The following SLC25A26 variants were observed in gnomAD, a reference collection of about 807,000 sequenced individuals.
The protein encoded by SLC25A26 is mitochondrial S-adenosylmethionine carrier protein.
A neutral mutation model predicts 37.8 loss-of-function variants in SLC25A26; 36 were observed. The ratio of observed to expected loss-of-function variants is 0.95; its 90% CI spans 0.73 to 1.26. SLC25A26 has a LOEUF of 1.26. Among genes scored for constraint, SLC25A26 ranks in the 50% most tolerant of loss-of-function variants. The pLI, the probability that SLC25A26 is intolerant of heterozygous loss-of-function variation, is 0.00. For missense variants in SLC25A26, 390 were observed against 331.1 expected (o/e 1.18, Z -1.38); for synonymous variants, 129 against 122.5 (o/e 1.05, Z -0.35).
chr3:66,177,648 G>A (rs969622651), intron 1 of SLC25A26, among the ~76,000 whole-genome samples: 1 of 152,220 alleles, frequency 6.6e-6, no homozygotes, highest in Admixed American at 6.5e-5. Flanking sequence ...CAGGGGATGG[G>A]AAGGAGTGAG....
intron 5 of SLC25A26, among the ~76,000 whole-genome samples, chr3:66,304,216 G>T (rs1361440132): frequency 6.6e-6 from 1 of 152,160 alleles, no homozygotes; most frequent in South Asian, 2.1e-4. Context: ...TTCGTCACAG[G>T]ACTTGTCTTT....
intron 1 of SLC25A26, among the ~76,000 whole-genome samples, chr3:66,223,432 A>G (rs1384589590): frequency 6.6e-6 from 1 of 152,116 alleles, no homozygotes; most frequent in Admixed American, 6.6e-5. Context: ...GGCTAGGGAA[A>G]ATAATTTGGA....
intron 1 of SLC25A26, among the ~76,000 whole-genome samples, chr3:66,164,876 C>A (rs2070405171): frequency 6.6e-6 from 1 of 152,106 alleles, no homozygotes; most frequent in Non-Finnish European, 1.5e-5. Flanking sequence ...GAAGGGTGCA[C>A]AAGTGAATGG....
At chr3:66,147,999 C>T (rs1430734010) in intron 1 of SLC25A26, among the ~76,000 whole-genome samples, 1 of 151,964 alleles carries the variant, frequency 6.6e-6, no homozygotes, top group Non-Finnish European at 1.5e-5. Flanking sequence ...CCTCGTGATC[C>T]GCCCACCTCA....
intron 1 of SLC25A26, among the ~76,000 whole-genome samples, chr3:66,206,530 A>G (rs2071179502): frequency 6.6e-6 from 1 of 152,190 alleles, no homozygotes; most frequent in South Asian, 2.1e-4. Flanking sequence ...GTAATGCACA[A>G]TCTGCAAGGC....
At chr3:66,265,944 T>G (rs1237012009) in intron 5 of SLC25A26, among the ~76,000 whole-genome samples, 2 of 152,238 alleles carry the variant, frequency 1.3e-5, no homozygotes, top group African/African-American at 4.8e-5. Context: ...AATGAATATT[T>G]ACATGCCGGA....
chr3:66,176,189 A>G (rs2070584403), intron 1 of SLC25A26, among the ~76,000 whole-genome samples: 2 of 152,204 alleles, frequency 1.3e-5, no homozygotes, highest in African/African-American at 4.8e-5. Flanking sequence ...TATGTTTGGT[A>G]TGGAGTACAA....
intron 1 of SLC25A26, among the ~76,000 whole-genome samples, chr3:66,205,977 A>G (rs1197124345): frequency 1.3e-5 from 2 of 152,236 alleles, no homozygotes; most frequent in African/African-American, 4.8e-5. Context: ...GTAATAGAGC[A>G]GGTTAGTGCT....
chr3:66,285,727 T>C (rs1231521180), intron 5 of SLC25A26, among the ~76,000 whole-genome samples: 2 of 151,988 alleles, frequency 1.3e-5, no homozygotes, highest in Non-Finnish European at 2.9e-5. Context: ...CCCAAAGTGC[T>C]GGGATTACAG....
At chr3:66,169,585 C>T (rs1312961650) in intron 1 of SLC25A26, among the ~76,000 whole-genome samples, 4 of 152,098 alleles carry the variant, frequency 2.6e-5, no homozygotes, top group Non-Finnish European at 4.4e-5. Flanking sequence ...TTGTAGGTTT[C>T]GCCCTTAGAA....
intron 6 of SLC25A26, among the ~76,000 whole-genome samples, chr3:66,360,729 T>C (rs2076687033): frequency 6.6e-6 from 1 of 152,162 alleles, no homozygotes; most frequent in Non-Finnish European, 1.5e-5. Flanking sequence ...TACTGAAAAC[T>C]AAGACAGTGT....
chr3:66,274,810 A>C (rs782726), intron 5 of SLC25A26, among the ~76,000 whole-genome samples: 76,786 of 151,416 alleles, frequency 0.51, 21,386 homozygotes, highest in African/African-American at 0.74. Context: ...GTGGGGCTGT[A>C]AACTAGTTCA....
Position 66,370,509 on chromosome 3 carries a change from C to G in SLC25A26, c.634-20C>G. On this transcript the variant is annotated intron_variant, in intron 8 of 9. Coordinates refer to ENST00000354883, the MANE Select transcript of SLC25A26 (RefSeq NM_001379210.1). Reference sequence around the variant, plus strand: ...GGGAGCTTCAGAAGATAACGGGTTTCTCTTTGTCTGTTCACACAGGCTGGC... The same window carrying G: ...GGGAGCTTCAGAAGATAACGGGTTTGTCTTTGTCTGTTCACACAGGCTGGC... 6.2e-7 allele frequency: 1 copy of G among 1,607,452 alleles called. No homozygotes were observed. The highest frequency in any genetic ancestry group is 8.5e-7 in the Non-Finnish European group (1 of 1,174,524).
intron 1 of SLC25A26, among the ~76,000 whole-genome samples, chr3:66,139,866 T>A (rs2070008553): frequency 6.6e-6 from 1 of 152,178 alleles, no homozygotes; most frequent in African/African-American, 2.4e-5. Flanking sequence ...TATTGAATGA[T>A]GAGAGCATAA....
intron 2 of SLC25A26, among the ~76,000 whole-genome samples, chr3:66,240,799 G>A (rs1349274024): frequency 2.8e-5 from 4 of 143,602 alleles, no homozygotes; most frequent in Non-Finnish European, 1.5e-5. Flanking sequence ...AGGCTGGAGT[G>A]CAGTGGTGCG....
At chr3:66,174,642 T>C (rs1250591724) in intron 1 of SLC25A26, among the ~76,000 whole-genome samples, 1 of 151,610 alleles carries the variant, frequency 6.6e-6, no homozygotes, top group Non-Finnish European at 1.5e-5. Context: ...AAAAATTAGC[T>C]GGGCATGGTG....
intron 3 of SLC25A26, among the ~76,000 whole-genome samples, chr3:66,245,232 C>G (rs1446115110): frequency 1.5e-5 from 2 of 131,520 alleles, no homozygotes; most frequent in African/African-American, 5.8e-5. Flanking sequence ...AAACCGAAAT[C>G]GTAAACACAG....
At chr3:66,299,317 C>T (rs984251412) in intron 5 of SLC25A26, among the ~76,000 whole-genome samples, 2 of 152,150 alleles carry the variant, frequency 1.3e-5, no homozygotes, top group South Asian at 2.1e-4. Flanking sequence ...CTCAGCCTCC[C>T]GAGTAGCTGG....
intron 1 of SLC25A26, among the ~76,000 whole-genome samples, chr3:66,150,078 G>T (rs1363855563): frequency 6.6e-6 from 1 of 152,084 alleles, no homozygotes; most frequent in East Asian, 1.9e-4. Context: ...ACAGAAGATG[G>T]AAATTCTGGC....
Sources: allele counts gnomAD v4.1 joint callset (sites outside exome capture counted in the v4.1 genomes callset), GRCh38; gene constraint gnomAD v4.1.1; transcripts MANE v1.5; gene names NCBI Gene and HGNC (gene_info 2026-07-23, HGNC 2026-07-21).